Variants in HDLBP observed in about 807,000 individuals in gnomAD.
HDLBP encodes the protein vigilin.
HDLBP carries 30 observed loss-of-function variants against 137.3 expected under a neutral mutation model. The observed-to-expected ratio is 0.22, with a 90% confidence interval of 0.16 to 0.30. The LOEUF is 0.30. Among genes scored for constraint, HDLBP ranks in the 10% least tolerant of loss-of-function variants. The pLI is 1.00. For synonymous variants in HDLBP, 606 were observed against 596.0 expected (o/e 1.02, Z -0.24); for missense variants, 1,119 against 1,667.3 (o/e 0.67, Z 5.73).
intron 1 of HDLBP, among the ~76,000 whole-genome samples, chr2:241,270,189 A>G (rs2073948119): frequency 6.6e-6 from 1 of 152,118 alleles, no homozygotes; most frequent in Non-Finnish European, 1.5e-5. Context: ...CGGACCCTAT[A>G]CTGAAAGGAG....
intron 1 of HDLBP, chr2:241,315,280 A>C (rs1479623300): frequency 3.3e-5 from 5 of 150,790 alleles, no homozygotes; most frequent in Non-Finnish European, 7.3e-5. Context: ...AATCCCAGAG[A>C]GGCCCCCCGA....
intron 1 of HDLBP, among the ~76,000 whole-genome samples, chr2:241,301,944 C>G (rs1446819691): frequency 2.0e-5 from 3 of 152,028 alleles, no homozygotes; most frequent in Non-Finnish European, 4.4e-5. Flanking sequence ...GTAAAAGAGG[C>G]CGAGGGCCAG....
Position 241,246,776 on chromosome 2 carries a change from C to T in HDLBP, c.1926G>A (p.Arg642=). The T allele has an allele frequency of 6.2e-7, 1 of 1,614,176 alleles. No homozygotes were observed. The highest frequency in any genetic ancestry group is 1.1e-5 in the South Asian group (1 of 91,074). The change falls in exon 16 of 28, where the codon AGG becomes AGA. Residue 642 remains arginine, a synonymous_variant. Transcript: ENST00000310931. ...KRANCEAARS[R]ILSIQKDLAN... ...CCAGGTCTTTCTGAATAGACAGAAT[C>T]CTGCTCCGGGCAGCTTCGCAGTTGG...
intron 1 of HDLBP, among the ~76,000 whole-genome samples, chr2:241,309,881 G>C (rs1235630338): frequency 6.6e-6 from 1 of 152,178 alleles, no homozygotes; most frequent in African/African-American, 2.4e-5. Flanking sequence ...TATTTCTCTG[G>C]GGAATCTGAA....
intron 1 of HDLBP, among the ~76,000 whole-genome samples, chr2:241,299,204 A>C (rs1231920515): frequency 1.3e-5 from 2 of 152,198 alleles, no homozygotes; most frequent in Non-Finnish European, 2.9e-5. Context: ...GAGGATATGT[A>C]CTACTACTGT....
chr2:241,308,625 T>C (rs2075660714), intron 1 of HDLBP, among the ~76,000 whole-genome samples: 1 of 152,184 alleles, frequency 6.6e-6, no homozygotes, highest in East Asian at 1.9e-4. Flanking sequence ...TTGCGGGGTA[T>C]GCAGACCTGG....
In HDLBP at chr2:241,255,540, G is replaced by C. The variant is rs768946845; in HGVS notation, c.914C>G (p.Ser305Cys). The C allele has an allele frequency of 6.2e-7, 1 of 1,614,106 alleles. No homozygotes were observed. The highest frequency in any genetic ancestry group is 8.5e-7 in the Non-Finnish European group (1 of 1,179,954). ...GGGCCCAATGACATACTTGTGTTGG[G>C]ATTTCTTCACTTCCACTGCAATGGT... The part of the protein sequence containing the change: ...TTTIAVEVKK[S>C]QHKYVIGPKG... Residue 305 changes from serine (S) to cysteine (C), a missense_variant, in exon 8 of 28, where the codon TCC becomes TGC. Around this residue, in one of 4 missense-constraint regions of HDLBP, gnomAD observed 425 missense variants for 693.9 expected, o/e 0.61. Transcript: ENST00000310931.
intron 1 of HDLBP, among the ~76,000 whole-genome samples, chr2:241,302,403 T>A (rs1326442137): frequency 6.6e-6 from 1 of 150,376 alleles, no homozygotes; most frequent in East Asian, 1.9e-4. Flanking sequence ...ACAAAAAAAA[T>A]AAAAATTAGC....
intron 16 of HDLBP, among the ~76,000 whole-genome samples, chr2:241,244,080 G>T (rs1290513610): frequency 6.6e-6 from 1 of 152,148 alleles, no homozygotes; most frequent in Non-Finnish European, 1.5e-5. Flanking sequence ...TTCTAGGGAA[G>T]AAAACAACAT....
chr2:241,282,061 G>A (rs181748369), intron 1 of HDLBP, among the ~76,000 whole-genome samples: 15 of 152,252 alleles, frequency 9.9e-5, no homozygotes, highest in Admixed American at 6.5e-4. Flanking sequence ...TATAAAATGC[G>A]TCTTCTTCTC....
chr2:241,229,604 T>G lies in HDLBP; in HGVS notation c.3804A>C (p.Arg1268=). The change falls in exon 28 of 28, where the codon CGA becomes CGC. Residue 1268 remains arginine, a synonymous_variant. Transcript: ENST00000310931. ...APKTLPWGPK[R] is the part of the protein sequence containing the mutation. ...AGGGTTCTGTTCTTTTTGATCATTA[T>G]CGTTTGGGGCCCCAAGGGAGGGTCT... The G allele has an allele frequency of 6.2e-7, 1 of 1,612,660 alleles. No individual in the cohort carries two copies. Among genetic ancestry groups the G allele is most frequent in the Non-Finnish European group, 8.5e-7 (1 of 1,178,790 alleles).
rs2070984039 is a variant in HDLBP, at chr2:241,239,516, T to A, written c.2610+86A>T. The A allele has an allele frequency of 8.9e-7, 1 of 1,120,670 alleles. No individual in the cohort carries two copies. Among genetic ancestry groups the A allele is most frequent in the African/African-American group, 1.5e-5 (1 of 66,014 alleles). 69.4% of individuals were successfully genotyped at this position (1,120,670 alleles called of 1,614,324 possible). ...GGGCTGTATGAGGGAGTCACCTCCC[T>A]ACAGGGTGGAGCGAACACTCATACA... On this transcript the variant is annotated intron_variant, in intron 19 of 27. Coordinates refer to ENST00000310931, the MANE Select transcript of HDLBP (RefSeq NM_005336.6). This position sits in a 1 kb window ranked among gnomAD's most constrained non-coding sequence, Gnocchi z 4.6.
chr2:241,229,552 G>A lies in HDLBP; in HGVS notation c.*49C>T, dbSNP rs78125729. 0.015 allele frequency: 19,710 copies of A among 1,340,944 alleles called. 176 individuals are homozygous for A. The highest frequency in any genetic ancestry group is 0.019 in the Non-Finnish European group (17,429 of 936,442). 83.1% of individuals were successfully genotyped at this position (1,340,944 alleles called of 1,614,324 possible). On this transcript the variant is annotated 3_prime_UTR_variant, in exon 28 of 28. Coordinates refer to ENST00000310931, the MANE Select transcript of HDLBP (RefSeq NM_005336.6). ...GTCAGATTGAGACAAACCATTGTGTGGTTGGGTTTGGGTCAGCAGGCTGGA... is the reference window on the plus strand; with the variant it reads ...GTCAGATTGAGACAAACCATTGTGTAGTTGGGTTTGGGTCAGCAGGCTGGA...
chr2:241,285,615 A>G (rs544155769), intron 1 of HDLBP, among the ~76,000 whole-genome samples: 1 of 152,258 alleles, frequency 6.6e-6, no homozygotes. Context: ...TGTTTATGCC[A>G]GTTTCACTAG....
chr2:241,239,767 G>C lies in HDLBP; in HGVS notation c.2445C>G (p.Phe815Leu). ...GCAAGACCTGGCCTCTGCGGATGAC[G>C]AAGTGGCGGTGGTGCTTGGGGTCCA... ...MLVDPKHHRH[F>L]VIRRGQVLRE... is the part of the protein sequence containing the mutation. The change falls in exon 19 of 28, where the codon TTC (phenylalanine) becomes TTG (leucine). Residue 815 changes from phenylalanine (F) to leucine (L), a missense_variant. Phe to Leu is a conservative substitution (Grantham distance 22). This residue lies in a region of HDLBP where 618 missense variants were observed against 816.7 expected (regional missense o/e 0.76). Coordinates refer to ENST00000310931, the MANE Select transcript of HDLBP (RefSeq NM_005336.6). The surrounding 1 kb of genome is among the most constrained non-coding windows in gnomAD (Gnocchi z 4.6). 6.2e-7 allele frequency: 1 copy of C among 1,614,146 alleles called. No homozygotes were observed. The highest frequency in any genetic ancestry group is 8.5e-7 in the Non-Finnish European group (1 of 1,180,040).
At chr2:241,287,899 G>GA (rs1366672703) in intron 1 of HDLBP, among the ~76,000 whole-genome samples, 1 of 152,212 alleles carries the variant, frequency 6.6e-6, no homozygotes. Flanking sequence ...AGATGGACTT[G>GA]AAAAGACAAT....
intron 1 of HDLBP, among the ~76,000 whole-genome samples, chr2:241,297,040 G>C (rs1259275707): frequency 2.6e-5 from 4 of 152,244 alleles, no homozygotes; most frequent in African/African-American, 9.6e-5. Context: ...TATCAGTCTG[G>C]AAAAAGCACA....
chr2:241,245,972 T>C (rs1368399438), intron 16 of HDLBP, among the ~76,000 whole-genome samples: 1 of 152,030 alleles, frequency 6.6e-6, no homozygotes, highest in African/African-American at 2.4e-5. Context: ...AAAAACTTCA[T>C]GTTAATACAT....
Position 241,249,986 on chromosome 2 carries a change from G to A in HDLBP, c.1373-6C>T. On this transcript the variant is annotated splice_polypyrimidine_tract_variant and splice_region_variant and intron_variant, in intron 11 of 27. Transcript: ENST00000310931. ...CTGGTCTTTGATTCTGTTTACTTAGGAACACAAAAGGAAACACATTTAGGA... is the reference window on the plus strand; with the variant it reads ...CTGGTCTTTGATTCTGTTTACTTAGAAACACAAAAGGAAACACATTTAGGA... 1 of 1,595,170 alleles carries A rather than the reference G, an allele frequency of 6.3e-7. No homozygotes were observed. Among genetic ancestry groups the A allele is most frequent in the Non-Finnish European group, 8.5e-7 (1 of 1,172,836 alleles).
Sources: gnomAD v4.1 joint callset for allele counts (sites outside exome capture counted in the v4.1 genomes callset) on GRCh38, gnomAD v4.1.1 for gene constraint, gnomAD v4.1.1 regional missense constraint, Gnocchi (gnomAD v3.1) non-coding constraint, MANE v1.5 for transcripts, NCBI Gene and HGNC (gene_info 2026-07-23, HGNC 2026-07-21) for gene names.